The following INPP4B variants were observed in gnomAD, a reference collection of about 807,000 sequenced individuals.
The protein encoded by INPP4B is inositol polyphosphate 4-phosphatase type II.
In INPP4B, 55 loss-of-function variants were observed where a neutral mutation model predicts 122.5. The ratio of observed to expected loss-of-function variants is 0.45; its 90% CI spans 0.36 to 0.56. The LOEUF (loss-of-function observed/expected upper bound fraction) is 0.56. INPP4B is among the 20% of genes least tolerant of loss of function. The pLI is 0.00. For synonymous variants in INPP4B, 403 were observed against 388.7 expected, an observed-to-expected ratio of 1.04 and a Z score of -0.43; for missense variants, 1,000 against 1,097.7, an observed-to-expected ratio of 0.91 and a Z score of 1.26.
At chr4:142,804,841 A>C (rs1039216579) in intron 1 of INPP4B, among the ~76,000 whole-genome samples, 5 of 152,062 alleles carry the variant, frequency 3.3e-5, no homozygotes, top group Non-Finnish European at 1.5e-5. Flanking sequence ...TAATTTCTGT[A>C]TTTTTTGTAG....
intron 1 of INPP4B, among the ~76,000 whole-genome samples, chr4:142,781,576 T>C (rs996128659): frequency 6.6e-6 from 1 of 152,156 alleles, no homozygotes; most frequent in African/African-American, 2.4e-5. Context: ...GGATTGATTG[T>C]GGTAGAATTA....
chr4:142,522,995 A>C (rs1469816583), intron 2 of INPP4B, among the ~76,000 whole-genome samples: 3 of 152,094 alleles, frequency 2.0e-5, no homozygotes, highest in Non-Finnish European at 4.4e-5. Flanking sequence ...GTTTGAAAAG[A>C]AAAGATGGAA....
chr4:142,542,371 T>C (rs576558207), intron 2 of INPP4B, among the ~76,000 whole-genome samples: 33 of 152,272 alleles, frequency 2.2e-4, no homozygotes, highest in African/African-American at 7.9e-4. Context: ...ATTGATACAA[T>C]AATCAAAAAC....
At chr4:142,249,389 GA>G (rs1285494906) in intron 11 of INPP4B, among the ~76,000 whole-genome samples, 1 of 151,642 alleles carries the variant, frequency 6.6e-6, no homozygotes, top group African/African-American at 2.4e-5. Context: ...AGAGAATTAA[GA>G]AATTTACACA....
intron 3 of INPP4B, among the ~76,000 whole-genome samples, chr4:142,440,111 C>G (rs905232274): frequency 6.6e-6 from 1 of 152,162 alleles, no homozygotes; most frequent in Admixed American, 6.5e-5. Flanking sequence ...CTAGATAAAT[C>G]TATTCATCCA....
intron 25 of INPP4B, among the ~76,000 whole-genome samples, chr4:142,073,694 G>A (rs894788442): frequency 1.3e-5 from 2 of 152,092 alleles, no homozygotes; most frequent in African/African-American, 4.8e-5. Flanking sequence ...GGACAAGGCA[G>A]ATGGTGTTTG....
intron 2 of INPP4B, among the ~76,000 whole-genome samples, chr4:142,537,676 A>G (rs2150016091): frequency 6.6e-6 from 1 of 151,648 alleles, no homozygotes; most frequent in Middle Eastern, 3.4e-3. Flanking sequence ...GTGAGAGATA[A>G]AAAATTGGTT....
intron 2 of INPP4B, among the ~76,000 whole-genome samples, chr4:142,652,598 A>G (rs569759332): frequency 2.0e-5 from 3 of 152,324 alleles, no homozygotes; most frequent in African/African-American, 7.2e-5. Context: ...ATCATGAGTG[A>G]ACTCCCATTC....
chr4:142,163,003 C>G (rs1820873688), intron 16 of INPP4B, among the ~76,000 whole-genome samples: 1 of 151,670 alleles, frequency 6.6e-6, no homozygotes, highest in Admixed American at 6.6e-5. Flanking sequence ...TTTTTTTTGA[C>G]CAGCACTACT....
intron 2 of INPP4B, among the ~76,000 whole-genome samples, chr4:142,655,339 A>C (rs865883180): frequency 6.6e-6 from 1 of 152,188 alleles, no homozygotes; most frequent in Non-Finnish European, 1.5e-5. Flanking sequence ...GAATAGATTA[A>C]AATTTTCCAT....
At chr4:142,054,225 A>G (rs942400147) in intron 25 of INPP4B, among the ~76,000 whole-genome samples, 11 of 151,830 alleles carry the variant, frequency 7.2e-5, no homozygotes, top group African/African-American at 2.7e-4. Flanking sequence ...CCCACGCTCA[A>G]TGCAACAATA....
At position 142,055,903 on chromosome 4, in the gene INPP4B, T is replaced by C. The variant is rs147895153; in HGVS notation, c.2642+26128A>G. On this transcript the variant is annotated intron_variant, in intron 25 of 25. Transcript: ENST00000262992. ...TATTACATTGTGATATATAATAAAATAATTATACAACTCACCACAATGTGG... is the reference window on the plus strand; with the variant it reads ...TATTACATTGTGATATATAATAAAACAATTATACAACTCACCACAATGTGG... Among the ~76,000 whole-genome samples, 468 of 152,004 alleles carry C rather than the reference T, an allele frequency of 3.1e-3. 6 individuals carry two copies. The highest frequency in any genetic ancestry group is 0.011 in the African/African-American group (443 of 41,458).
intron 1 of INPP4B, among the ~76,000 whole-genome samples, chr4:142,820,980 G>T (rs1780731656): frequency 6.6e-6 from 1 of 152,094 alleles, no homozygotes; most frequent in South Asian, 2.1e-4. Flanking sequence ...TGGATTTTAA[G>T]TGGTCTCTTT....
At chr4:142,295,361 T>A (rs1381869055) in intron 9 of INPP4B, among the ~76,000 whole-genome samples, 1 of 152,116 alleles carries the variant, frequency 6.6e-6, no homozygotes, top group Non-Finnish European at 1.5e-5. Context: ...AGCACCTGCA[T>A]GTGGATGGAG....
At chr4:142,489,784 T>C (rs904233535) in intron 2 of INPP4B, among the ~76,000 whole-genome samples, 5 of 152,174 alleles carry the variant, frequency 3.3e-5, no homozygotes, top group African/African-American at 1.2e-4. Flanking sequence ...TATTCTTTCT[T>C]TGGTTGTGCC....
At chr4:142,168,376 G>A in intron 16 of INPP4B, among the ~76,000 whole-genome samples, 1 of 151,582 alleles carries the variant, frequency 6.6e-6, no homozygotes, top group African/African-American at 2.4e-5. Context: ...CTTGTTGGAT[G>A]GCAGGCATTT....
At chr4:142,463,483 C>G (rs1048244086) in intron 2 of INPP4B, among the ~76,000 whole-genome samples, 1 of 152,172 alleles carries the variant, frequency 6.6e-6, no homozygotes, top group Non-Finnish European at 1.5e-5. Flanking sequence ...TGTTCCTAAA[C>G]TTTGCACCAT....
chr4:142,480,584 C>A (rs1284771250), intron 2 of INPP4B, among the ~76,000 whole-genome samples: 1 of 152,178 alleles, frequency 6.6e-6, no homozygotes, highest in African/African-American at 2.4e-5. Flanking sequence ...GCCATCTCCA[C>A]CGTAGTCCAC....
At chr4:142,462,359 A>T (rs75699694) in intron 3 of INPP4B, among the ~76,000 whole-genome samples, 5,539 of 152,266 alleles carry the variant, frequency 0.036, 230 homozygotes, top group African/African-American at 0.082. Flanking sequence ...CTTACAGATG[A>T]GTGTTTCCCA....
Sources: gnomAD v4.1 joint callset for allele counts (sites outside exome capture counted in the v4.1 genomes callset) on GRCh38, gnomAD v4.1.1 for gene constraint, MANE v1.5 for transcripts, NCBI Gene and HGNC (gene_info 2026-07-23, HGNC 2026-07-21) for gene names.